Variants in GGT7 observed in about 807,000 individuals in gnomAD.
The protein encoded by GGT7 is glutathione hydrolase 7.
A neutral mutation model predicts 69.2 loss-of-function variants in GGT7; 30 were observed. That is an observed-to-expected ratio of 0.43 (90% CI 0.32 to 0.59). The LOEUF is 0.59. GGT7 is among the 20% of genes least tolerant of loss of function. The pLI, the probability that GGT7 is intolerant of heterozygous loss-of-function variation, is 0.05. For synonymous variants in GGT7, 388 were observed against 391.8 expected (o/e 0.99, Z 0.12); for missense variants, 733 against 901.1 (o/e 0.81, Z 2.39).
intron 10 of GGT7, among the ~76,000 whole-genome samples, chr20:34,853,070 C>A (rs1460121994): frequency 1.3e-5 from 2 of 152,096 alleles, no homozygotes; most frequent in African/African-American, 4.8e-5. Context: ...CTGCCTCAGC[C>A]TCCCGATTAT....
At position 34,872,776 on chromosome 20, in the gene GGT7, C is replaced by T. The variant is rs1456447049; in HGVS notation, c.40G>A (p.Gly14Ser). Reference sequence around the variant, plus strand: ...ATGTAGTCCACTGGCGAGTAGGCGCCCAGGGCGCTCTCCTGGCTGGCCTCG... The same window carrying T: ...ATGTAGTCCACTGGCGAGTAGGCGCTCAGGGCGCTCTCCTGGCTGGCCTCG... ...ENEASQESALGAYSPVDYMSI... is the reference protein window; with the variant it reads ...ENEASQESALSAYSPVDYMSI... Residue 14 changes from glycine (G) to serine (S), a missense_variant, in exon 1 of 15, where the codon GGC becomes AGC. Transcript: ENST00000336431. 7.0e-7 allele frequency: 1 copy of T among 1,425,592 alleles called. No individual in the cohort carries two copies. Among genetic ancestry groups the T allele is most frequent in the East Asian group, 2.9e-5 (1 of 34,224 alleles). 88.3% of individuals were successfully genotyped at this position (1,425,592 alleles called of 1,614,324 possible). A position where few individuals can be genotyped will look rare whatever the true frequency, so the allele number is the denominator to read the frequency against.
At position 34,850,718 on chromosome 20, in the gene GGT7, A is replaced by G. The variant is rs114644675; in HGVS notation, c.1725+513T>C. 1.2e-3 allele frequency: 476 copies of G among 397,238 alleles called. 2 individuals carry two copies. The highest frequency in any genetic ancestry group is 9.2e-3 in the African/African-American group (443 of 48,254). The allele number at this position is 397,238 out of a possible 1,614,324, so 24.6% of individuals were successfully genotyped here. A position where few individuals can be genotyped will look rare whatever the true frequency, so the allele number is the denominator to read the frequency against. On this transcript the variant is annotated intron_variant, in intron 13 of 14. Coordinates refer to ENST00000336431, the MANE Select transcript of GGT7 (RefSeq NM_178026.3). ...ATGCTCCAGCATCACACAGTTACAA[A>G]TTGGTAGCACTTGGGCCGGAACCCA...
Position 34,845,405 on chromosome 20 carries a change from T to A in GGT7, c.1912A>T (p.Ser638Cys), listed in dbSNP as rs1409280923. The stretch of plus-strand genomic sequence containing the variant: ...ATGATGAAGTTGTTGGTCCTTCGGC[T>A]GCCATGGACCCAGGATAAGACATCT... ...KVDVLSWVHGSRRTNNFIIAV... is the reference protein window; with the variant it reads ...KVDVLSWVHGCRRTNNFIIAV... The change falls in exon 15 of 15, where the codon AGC (serine) becomes TGC (cysteine). Residue 638 changes from serine (S) to cysteine (C), a missense_variant. Coordinates refer to ENST00000336431, the MANE Select transcript of GGT7 (RefSeq NM_178026.3). The A allele has an allele frequency of 6.2e-7, 1 of 1,614,136 alleles. No individual in the cohort carries two copies. The highest frequency in any genetic ancestry group is 1.7e-5 in the Admixed American group (1 of 60,028).
chr20:34,872,108 C>T (rs551287315), intron 1 of GGT7: 2 of 152,378 alleles, frequency 1.3e-5, no homozygotes, highest in African/African-American at 4.8e-5. Flanking sequence ...TTTGAGAGGT[C>T]ATGCAGTCCA....
chr20:34,863,487 C>T lies in GGT7; in HGVS notation c.231G>A (p.Met77Ile). 6.2e-7 allele frequency: 1 copy of T among 1,606,784 alleles called. No homozygotes were observed. Among genetic ancestry groups the T allele is most frequent in the Non-Finnish European group, 8.5e-7 (1 of 1,177,126 alleles). Residue 77 changes from methionine (M) to isoleucine (I), a missense_variant, in exon 2 of 15, where the codon ATG becomes ATA. Met to Ile is a conservative substitution (Grantham distance 10). Coordinates refer to ENST00000336431, the MANE Select transcript of GGT7 (RefSeq NM_178026.3). This position sits in a 1 kb window ranked among gnomAD's most constrained non-coding sequence, Gnocchi z 4.4. The stretch of plus-strand genomic sequence containing the variant: ...GTAGCGGCGACCCGTCTTGGCTGCC[C>T]ATCTCCGACGACGACGATGGCAGCC... ...LQRLPSSSSE[M>I]GSQDGSPLRE...
At chr20:34,861,607 C>CCTCT in intron 3 of GGT7, 45 bp from the exon 4 acceptor site, 1 of 1,158,282 alleles carries the variant, frequency 8.6e-7, no homozygotes. Context: ...ACATGCTACC[C>CCTCT]CTCTGTACAA....
At chr20:34,870,400 A>G (rs961759296) in intron 1 of GGT7, among the ~76,000 whole-genome samples, 2 of 152,170 alleles carry the variant, frequency 1.3e-5, no homozygotes, top group Non-Finnish European at 2.9e-5. Flanking sequence ...CCATTCTTTC[A>G]TCCTGAGATC....
At chr20:34,849,597 A>G (rs762392961) in intron 14 of GGT7, among the ~76,000 whole-genome samples, 21 of 152,226 alleles carry the variant, frequency 1.4e-4, no homozygotes, top group Non-Finnish European at 2.5e-4. Flanking sequence ...TTCTTTGATG[A>G]CTTATTTTCT....
At chr20:34,871,758 C>T (rs1443198820) in intron 1 of GGT7, among the ~76,000 whole-genome samples, 1 of 152,176 alleles carries the variant, frequency 6.6e-6, no homozygotes, top group Non-Finnish European at 1.5e-5. Context: ...TAGAAGGATG[C>T]TCTAATGCCA....
intron 14 of GGT7, among the ~76,000 whole-genome samples, chr20:34,846,960 C>A (rs574236176): frequency 1.3e-5 from 2 of 152,304 alleles, no homozygotes; most frequent in Non-Finnish European, 2.9e-5. Flanking sequence ...ACACTGCTGG[C>A]CCCCTTACTG....
At chr20:34,855,337 A>T (rs1206571377) in intron 8 of GGT7, among the ~76,000 whole-genome samples, 2 of 152,154 alleles carry the variant, frequency 1.3e-5, no homozygotes, top group Non-Finnish European at 2.9e-5. Context: ...TCCAGCCCCA[A>T]ACTTCTTGGC....
chr20:34,868,752 G>A (rs1017256883), intron 1 of GGT7, among the ~76,000 whole-genome samples: 2 of 152,164 alleles, frequency 1.3e-5, no homozygotes, highest in African/African-American at 2.4e-5. Flanking sequence ...TGGAACTACT[G>A]GGAAAGAGAA....
chr20:34,869,261 G>A (rs2079742189), intron 1 of GGT7, among the ~76,000 whole-genome samples: 1 of 152,034 alleles, frequency 6.6e-6, no homozygotes. Context: ...TCAACCTTCA[G>A]GGCTCAAGCC....
At chr20:34,855,788 T>C (rs1413725336) in intron 8 of GGT7, among the ~76,000 whole-genome samples, 1 of 138,850 alleles carries the variant, frequency 7.2e-6, no homozygotes, top group African/African-American at 3.0e-5. Context: ...TTTTTTCTTT[T>C]CTGTGTGTGT....
chr20:34,867,660 G>A (rs943232246), intron 1 of GGT7, among the ~76,000 whole-genome samples: 4 of 152,124 alleles, frequency 2.6e-5, no homozygotes, highest in African/African-American at 9.7e-5. Context: ...AGGCTGCAGT[G>A]AGCCACTGCC....
intron 1 of GGT7, among the ~76,000 whole-genome samples, chr20:34,869,149 T>A (rs1041007303): frequency 9.4e-5 from 14 of 148,458 alleles, no homozygotes; most frequent in African/African-American, 3.6e-4. Context: ...ATCACTAAAA[T>A]AAATAAATAA....
intron 14 of GGT7, among the ~76,000 whole-genome samples, chr20:34,845,802 G>A (rs2079295723): frequency 6.6e-6 from 1 of 152,190 alleles, no homozygotes. Context: ...GCTCATGCCT[G>A]TAATCCCAGC....
chr20:34,865,750 C>T (rs1380764881), intron 1 of GGT7, among the ~76,000 whole-genome samples: 1 of 152,170 alleles, frequency 6.6e-6, no homozygotes, highest in Non-Finnish European at 1.5e-5. Context: ...ATTCCTTTTC[C>T]ACCTTGACCA....
chr20:34,861,624 T>C, intron 3 of GGT7, 62 bp from the exon 4 acceptor site: 1 of 1,012,250 alleles, frequency 9.9e-7, no homozygotes, highest in Non-Finnish European at 1.4e-6. Context: ...ACAATGAATC[T>C]GCTGCCCCTC....
Sources: allele counts gnomAD v4.1 joint callset (sites outside exome capture counted in the v4.1 genomes callset), GRCh38; gene constraint gnomAD v4.1.1; non-coding constraint Gnocchi (gnomAD v3.1); transcripts MANE v1.5; gene names NCBI Gene and HGNC (gene_info 2026-07-23, HGNC 2026-07-21).